TGM3: variants seen among roughly 807,000 people sequenced by gnomAD.
TGM3 encodes protein-glutamine gamma-glutamyltransferase E.
A neutral mutation model predicts 73.8 loss-of-function variants in TGM3; 52 were observed. That is an observed-to-expected ratio of 0.70 (90% CI 0.56 to 0.89). TGM3 has a LOEUF of 0.89. Among genes scored for constraint, TGM3 ranks in the 40% least tolerant of loss-of-function variants. TGM3 has a pLI of 0.00. For synonymous variants in TGM3, 372 were observed against 354.9 expected, an observed-to-expected ratio of 1.05 and a Z score of -0.54; for missense variants, 928 against 909.9, an observed-to-expected ratio of 1.02 and a Z score of -0.26.
intron 1 of TGM3, among the ~76,000 whole-genome samples, chr20:2,301,707 A>ATT (rs34897899): frequency 2.0e-5 from 3 of 147,290 alleles, no homozygotes; most frequent in East Asian, 4.0e-4. Flanking sequence ...ACTTTTTAGC[A>ATT]TTTTTTTTTT....
rs2084371603 is a variant in TGM3 at position 2,339,972 on chromosome 20, G to C, written c.1919G>C (p.Gly640Ala). 7.2e-7 allele frequency: 1 copy of C among 1,379,368 alleles called. No individual in the cohort carries two copies. The highest frequency in any genetic ancestry group is 9.7e-7 in the Non-Finnish European group (1 of 1,034,100). 85.4% of individuals were successfully genotyped at this position (1,379,368 alleles called of 1,614,324 possible). ...LMVEGSGLLL[G>A]NLKIDVPTLG... ...GTGGAGGGAAGCGGCCTGCTGTTGG[G>C]TAACCTGAAGATCGAGTGAGTCCTG... Residue 640 changes from glycine (G) to alanine (A), a missense_variant, in exon 12 of 13, where the codon GGT becomes GCT. By Grantham distance (60) the Gly-to-Ala change is moderately conservative (BLOSUM62 0). Transcript: ENST00000381458.
intron 1 of TGM3, among the ~76,000 whole-genome samples, chr20:2,296,637 T>C (rs912579162): frequency 4.6e-5 from 7 of 152,262 alleles, no homozygotes; most frequent in Admixed American, 4.6e-4. Context: ...TGTAAGTGAC[T>C]TGATGAGCTG....
chr20:2,323,060 T>C (rs1329470316), intron 7 of TGM3, among the ~76,000 whole-genome samples: 3 of 152,238 alleles, frequency 2.0e-5, no homozygotes, highest in African/African-American at 7.2e-5. Context: ...ATAGGTTTTT[T>C]TCTTTTTCCT....
Position 2,317,163 on chromosome 20 carries a change from G to A in TGM3, c.765G>A (p.Glu255=), listed in dbSNP as rs566335711. The stretch of plus-strand genomic sequence containing the variant: ...CAAGGAGCTGGAACGGCAGCGTGGA[G>A]ATCCTCAAAAATTGGAAAAAATCTG... ...RDPRSWNGSV[E]ILKNWKKSGF... is the part of the protein sequence containing the mutation. The change falls in exon 6 of 13, where the codon GAG becomes GAA. Residue 255 remains glutamate (E), a synonymous_variant. Coordinates refer to ENST00000381458, the MANE Select transcript of TGM3 (RefSeq NM_003245.4). 81 of 1,614,144 alleles carry A rather than the reference G, an allele frequency of 5.0e-5. No homozygotes were observed. The South Asian group carries it at 8.3e-4, about 17-fold the overall frequency.
chr20:2,315,894 G>C (rs1452480219), intron 5 of TGM3, among the ~76,000 whole-genome samples: 1 of 152,184 alleles, frequency 6.6e-6, no homozygotes, highest in Non-Finnish European at 1.5e-5. Flanking sequence ...TTATGGAAAA[G>C]TTCAGACCTA....
At chr20:2,339,440 C>T (rs1483937948) in intron 11 of TGM3, among the ~76,000 whole-genome samples, 2 of 152,134 alleles carry the variant, frequency 1.3e-5, no homozygotes, top group Non-Finnish European at 2.9e-5. Flanking sequence ...AGTTCGAGGC[C>T]AGCCTGGGCA....
chr20:2,317,500 T>G lies in TGM3; in HGVS notation c.983+15T>G, dbSNP rs760405976. 6.2e-7 allele frequency: 1 copy of G among 1,613,266 alleles called. No individual in the cohort carries two copies. Among genetic ancestry groups the G allele is most frequent in the East Asian group, 2.2e-5 (1 of 44,852 alleles). ...GATAGCGTATGGTAAGTATCTCACCTTTTCCCTGAACTTCGAGCACCACAT... is the reference window on the plus strand; with the variant it reads ...GATAGCGTATGGTAAGTATCTCACCGTTTCCCTGAACTTCGAGCACCACAT... On this transcript the variant is annotated intron_variant, in intron 7 of 12. Transcript: ENST00000381458.
At chr20:2,327,316 A>T (rs2084293476) in intron 8 of TGM3, among the ~76,000 whole-genome samples, 1 of 148,670 alleles carries the variant, frequency 6.7e-6, no homozygotes, top group African/African-American at 2.5e-5. Context: ...TAAAATTACA[A>T]AAAAAAAAAA....
intron 7 of TGM3, among the ~76,000 whole-genome samples, chr20:2,324,352 T>C (rs1441676271): frequency 6.6e-6 from 1 of 152,210 alleles, no homozygotes; most frequent in Non-Finnish European, 1.5e-5. Context: ...AACATCTGGA[T>C]TATTTTATGG....
At chr20:2,326,934 T>G (rs2084291193) in intron 8 of TGM3, among the ~76,000 whole-genome samples, 1 of 152,116 alleles carries the variant, frequency 6.6e-6, no homozygotes, top group Admixed American at 6.6e-5. Context: ...CAATAAAACT[T>G]AAGTCTTACC....
In TGM3 at chr20:2,332,435, G is replaced by A; in HGVS notation, c.1642+125G>A. ...GAATGGAGCAGCCAGCGGCCCCTGTGGTTAAGCCATGTATTAATGCTTTGG... is the reference window on the plus strand; with the variant it reads ...GAATGGAGCAGCCAGCGGCCCCTGTAGTTAAGCCATGTATTAATGCTTTGG... On this transcript the variant is annotated intron_variant, in intron 10 of 12. Coordinates refer to ENST00000381458, the MANE Select transcript of TGM3 (RefSeq NM_003245.4). This position sits in a 1 kb window ranked among gnomAD's most constrained non-coding sequence, Gnocchi z 4.4. The A allele has an allele frequency of 1.1e-6, 1 of 931,886 alleles. No individual in the cohort carries two copies. The highest frequency in any genetic ancestry group is 1.6e-6 in the Non-Finnish European group (1 of 638,800). 57.7% of individuals were successfully genotyped at this position (931,886 alleles called of 1,614,324 possible).
chr20:2,314,585 G>A (rs372935811), intron 5 of TGM3, among the ~76,000 whole-genome samples: 67 of 150,292 alleles, frequency 4.5e-4, no homozygotes, highest in Middle Eastern at 6.8e-3. Flanking sequence ...GCCAGGCATC[G>A]TGACACATGC....
intron 9 of TGM3, among the ~76,000 whole-genome samples, chr20:2,331,495 C>T (rs1600706930): frequency 1.3e-5 from 2 of 152,188 alleles, no homozygotes; most frequent in East Asian, 1.9e-4. Flanking sequence ...ATCAAAATGT[C>T]ACTCCTTGAC....
At chr20:2,318,734 T>A (rs1487834385) in intron 7 of TGM3, among the ~76,000 whole-genome samples, 1 of 152,242 alleles carries the variant, frequency 6.6e-6, no homozygotes, top group Non-Finnish European at 1.5e-5. Context: ...ATGTTCAATT[T>A]TGAGATAGTC....
At chr20:2,317,728 AT>A (rs1017781792) in intron 7 of TGM3, among the ~76,000 whole-genome samples, 4 of 151,976 alleles carry the variant, frequency 2.6e-5, no homozygotes, top group African/African-American at 9.7e-5. Flanking sequence ...AAAGGATCTG[AT>A]CCCAGTGAAA....
intron 4 of TGM3, among the ~76,000 whole-genome samples, chr20:2,311,712 T>C (rs754608535): frequency 3.3e-5 from 5 of 152,082 alleles, no homozygotes; most frequent in Non-Finnish European, 7.4e-5. Flanking sequence ...ATCAGAAAGA[T>C]GTGTGCTTGG....
chr20:2,339,943 G>T lies in TGM3; in HGVS notation c.1890G>T (p.Leu630=). 1 of 1,600,104 alleles carries T rather than the reference G, an allele frequency of 6.2e-7. No homozygotes were observed. Among genetic ancestry groups the T allele is most frequent in the Non-Finnish European group, 8.5e-7 (1 of 1,171,098 alleles). ...ATGAGCCGGTGAGGGACTGCGTGCT[G>T]ATGGTGGAGGGAAGCGGCCTGCTGT... ...PLDEPVRDCV[L]MVEGSGLLLG... Residue 630 remains leucine, a synonymous_variant, in exon 12 of 13, where the codon CTG becomes CTT. Transcript: ENST00000381458.
chr20:2,317,511 C>G, intron 7 of TGM3, 26 bp downstream of exon 7: 6 of 1,612,836 alleles, frequency 3.7e-6, no homozygotes, highest in African/African-American at 2.7e-5. Flanking sequence ...TTTCCCTGAA[C>G]TTCGAGCACC....
In TGM3 at chr20:2,310,405, C is replaced by G. The variant is rs767457914; in HGVS notation, c.409C>G (p.Pro137Ala). 1 of 1,614,192 alleles carries G rather than the reference C, an allele frequency of 6.2e-7. No individual in the cohort carries two copies. Among genetic ancestry groups the G allele is most frequent in the East Asian group, 2.2e-5 (1 of 44,886 alleles). ...KLGTFILLFNPWLNVDSVFMG... is the reference protein window; with the variant it reads ...KLGTFILLFNAWLNVDSVFMG... ...TGGGACGTTCATACTGCTTTTTAAC[C>G]CCTGGCTGAATGGTAGGTGTCTAGC... The change falls in exon 3 of 13, where the codon CCC becomes GCC. Residue 137 changes from proline (P) to alanine (A), a missense_variant. Coordinates refer to ENST00000381458, the MANE Select transcript of TGM3 (RefSeq NM_003245.4).
Sources: allele counts gnomAD v4.1 joint callset (sites outside exome capture counted in the v4.1 genomes callset), GRCh38; gene constraint gnomAD v4.1.1; non-coding constraint Gnocchi (gnomAD v3.1); transcripts MANE v1.5; gene names NCBI Gene and HGNC (gene_info 2026-07-23, HGNC 2026-07-21).